VMA21: variants seen among roughly 807,000 people sequenced by gnomAD.
VMA21 encodes the protein vacuolar ATPase assembly integral membrane protein VMA21.
For synonymous variants in VMA21, 47 were observed against 34.1 expected (o/e 1.38, Z -1.32); for missense variants, 61 against 80.6 (o/e 0.76, Z 0.93).
At chrX:151,396,699 C>A (rs1256047388), upstream of VMA21, 1 of 418,143 alleles carries the variant, frequency 2.4e-6, no homozygotes, top group Non-Finnish European at 4.2e-6. Flanking sequence ...CCTACCACTG[C>A]GGGCAGTAAT....
intron 1 of VMA21, among the ~76,000 whole-genome samples, chrX:151,403,183 G>A (rs769969320): frequency 2.2e-4 from 25 of 112,175 alleles, no homozygotes; most frequent in Admixed American, 4.7e-4. Flanking sequence ...AAAAGAGGGC[G>A]CGCTGATCCA....
chrX:151,404,787 A>G, intron 2 of VMA21, 129 bp from the exon 3 acceptor site: 1 of 792,855 alleles, frequency 1.3e-6, no homozygotes, highest in Non-Finnish European at 1.8e-6. Context: ...ATTACCACCC[A>G]AAATATTACT....
chrX:151,405,211 T>C lies in VMA21; in HGVS notation c.*153T>C. 1 of 623,581 alleles carries C rather than the reference T, an allele frequency of 1.6e-6. No homozygotes were observed. Among genetic ancestry groups the C allele is most frequent in the Admixed American group, 3.5e-5 (1 of 28,575 alleles). The allele number at this position is 623,581 out of a possible 1,213,427, so 51.4% of individuals were successfully genotyped here. A position where few individuals can be genotyped will look rare whatever the true frequency, so the allele number is the denominator to read the frequency against. On this transcript the variant is annotated 3_prime_UTR_variant, in exon 3 of 3. Transcript: ENST00000330374. ...TGTAAATTTTGATCTTTCTAATATG[T>C]TGGTTTGTATATTCAGTTTTAACTG...
intron 2 of VMA21, 43 bp from the exon 3 acceptor site, chrX:151,404,872 TA>T: frequency 1.7e-6 from 2 of 1,195,561 alleles, no homozygotes; most frequent in Non-Finnish European, 2.3e-6. Flanking sequence ...TGTACTTTGG[TA>T]AATTTTGCAA....
chrX:151,408,411 T>C lies in VMA21; in HGVS notation c.*3353T>C, dbSNP rs188543019. The C allele has an allele frequency of 8.9e-6, 1 of 112,472 alleles. No homozygotes were observed. Among genetic ancestry groups the C allele is most frequent in the East Asian group, 2.8e-4 (1 of 3,579 alleles). The allele number at this position is 112,472 out of a possible 1,213,427, so 9.3% of individuals were successfully genotyped here. A position where few individuals can be genotyped will look rare whatever the true frequency, so the allele number is the denominator to read the frequency against. ...AAGGATTTAAATCCGATTTTAGATG[T>C]ACCTAGTGTGTATTTCTTATCTCTA... On this transcript the variant is annotated 3_prime_UTR_variant, in exon 3 of 3. Coordinates refer to ENST00000330374, the MANE Select transcript of VMA21 (RefSeq NM_001017980.4).
rs866900373 is a variant in VMA21, at chrX:151,407,773, T to C, written c.*2715T>C. 2 of 112,413 alleles carry C rather than the reference T, an allele frequency of 1.8e-5. No individual in the cohort carries two copies. The highest frequency in any genetic ancestry group is 6.5e-5 in the African/African-American group (2 of 30,885). The allele number at this position is 112,413 out of a possible 1,213,427, so 9.3% of individuals were successfully genotyped here. The stretch of plus-strand genomic sequence containing the variant: ...ATGGATACCATTGTACATATAACAG[T>C]AGAATTTGGTTTGGGGTTGTTAGTG... On this transcript the variant is annotated 3_prime_UTR_variant, in exon 3 of 3. Transcript: ENST00000330374.
rs112016770 is a variant in VMA21 at position 151,397,268 on chromosome X, C to T, written c.-41C>T. 4.8e-5 allele frequency: 55 copies of T among 1,148,868 alleles called. No individual in the cohort carries two copies. Among genetic ancestry groups the T allele is most frequent in the East Asian group, 9.9e-5 (3 of 30,345 alleles). 94.7% of individuals were successfully genotyped at this position (1,148,868 alleles called of 1,213,427 possible). On this transcript the variant is annotated 5_prime_UTR_variant, in exon 1 of 3. Coordinates refer to ENST00000330374, the MANE Select transcript of VMA21 (RefSeq NM_001017980.4). ...AGCTTACTGAGCGCGGCCGCCGAGC[C>T]CAGCTCCGCCGCCGAGCGCCTGTGC...
chrX:151,404,872 T>G, intron 2 of VMA21, 44 bp from the exon 3 acceptor site: 2 of 1,195,561 alleles, frequency 1.7e-6, no homozygotes, highest in Non-Finnish European at 2.3e-6. Flanking sequence ...TGTACTTTGG[T>G]AAATTTTGCA....
At chrX:151,402,861 G>C in intron 1 of VMA21, among the ~76,000 whole-genome samples, 1 of 110,366 alleles carries the variant, frequency 9.1e-6, no homozygotes, top group South Asian at 3.9e-4. Flanking sequence ...TTAGTTTGCT[G>C]GTCCACTGTC....
upstream of VMA21, chrX:151,397,156 G>C (rs2011198710): frequency 4.0e-6 from 2 of 497,328 alleles, no homozygotes; most frequent in East Asian, 1.0e-4. Context: ...CCGCCGCCCG[G>C]CGCGAACGGG....
intron 1 of VMA21, among the ~76,000 whole-genome samples, chrX:151,402,356 A>G (rs2011243512): frequency 9.0e-6 from 1 of 110,742 alleles, no homozygotes; most frequent in Admixed American, 9.5e-5. Flanking sequence ...TAATTTTTGT[A>G]TTTTTAGTAG....
In VMA21 at chrX:151,406,176, C is replaced by A. The variant is rs962342402; in HGVS notation, c.*1118C>A. 9.0e-6 allele frequency: 1 copy of A among 110,787 alleles called. No individual in the cohort carries two copies. Among genetic ancestry groups the A allele is most frequent in the African/African-American group, 3.3e-5 (1 of 30,466 alleles). 9.1% of individuals were successfully genotyped at this position (110,787 alleles called of 1,213,427 possible). The stretch of plus-strand genomic sequence containing the variant: ...CAAACAGGAAAAAAAATCAAAATTC[C>A]CCATAATGTTGCCATCTAAAAATAA... On this transcript the variant is annotated 3_prime_UTR_variant, in exon 3 of 3. Transcript: ENST00000330374.
Position 151,403,758 on chromosome X carries a change from A to G in VMA21, c.163+18A>G. 1 of 1,114,559 alleles carries G rather than the reference A, an allele frequency of 9.0e-7. No individual in the cohort carries two copies. The highest frequency in any genetic ancestry group is 1.2e-6 in the Non-Finnish European group (1 of 807,474). 91.9% of individuals were successfully genotyped at this position (1,114,559 alleles called of 1,213,427 possible). On this transcript the variant is annotated intron_variant, in intron 2 of 2. Coordinates refer to ENST00000330374, the MANE Select transcript of VMA21 (RefSeq NM_001017980.4). ...ATTTGAAGGTAATCTTAGACCCATT[A>G]AAACAAGATGTTTTCCCCCAATTTA... is the stretch of plus-strand genomic sequence containing the variant.
In VMA21 at chrX:151,403,559, G is replaced by C. The variant is rs145510245; in HGVS notation, c.54-72G>C. On this transcript the variant is annotated intron_variant, in intron 1 of 2. Transcript: ENST00000330374. ...AGCATCTCATTTGTGGATGTTTATA[G>C]TTTCAGGGACATAAGAGCGTTTGGA... The C allele has an allele frequency of 3.1e-3, 2,423 of 778,863 alleles. 32 individuals carry two copies. The African/African-American group carries it at 0.045, about 15-fold the overall frequency. 64.2% of individuals were successfully genotyped at this position (778,863 alleles called of 1,213,427 possible).
At position 151,409,169 on chromosome X, in the gene VMA21, A is replaced by ATG. The variant is rs2011326573; in HGVS notation, c.*4114_*4115dup. 8.9e-6 allele frequency: 1 copy of ATG among 112,205 alleles called. No homozygotes were observed. Among genetic ancestry groups the ATG allele is most frequent in the Non-Finnish European group, 1.9e-5 (1 of 53,222 alleles). 9.2% of individuals were successfully genotyped at this position (112,205 alleles called of 1,213,427 possible). A position where few individuals can be genotyped will look rare whatever the true frequency, so the allele number is the denominator to read the frequency against. On this transcript the variant is annotated 3_prime_UTR_variant, in exon 3 of 3. Coordinates refer to ENST00000330374, the MANE Select transcript of VMA21 (RefSeq NM_001017980.4). ...TGCCCTGACTAGGGGGAGGATTTGG[A>ATG]TGTGCTGCATTTCAAGCCGTGTATA...
intron 1 of VMA21, among the ~76,000 whole-genome samples, chrX:151,399,160 C>T (rs1013469261): frequency 2.7e-5 from 3 of 111,646 alleles, no homozygotes; most frequent in Non-Finnish European, 5.6e-5. Flanking sequence ...AGTGAGGTCA[C>T]AACACAGAAA....
At chrX:151,398,365 T>C (rs2011211375) in intron 1 of VMA21, among the ~76,000 whole-genome samples, 1 of 106,730 alleles carries the variant, frequency 9.4e-6, no homozygotes, top group Non-Finnish European at 2.0e-5. Flanking sequence ...CACCCTCAAG[T>C]AGACCGCACT....
chrX:151,401,908 A>T (rs2011239930), intron 1 of VMA21, among the ~76,000 whole-genome samples: 1 of 110,527 alleles, frequency 9.0e-6, no homozygotes, highest in South Asian at 3.9e-4. Flanking sequence ...CACCATGCCC[A>T]GCGAATTATC....
Position 151,405,111 on chromosome X carries a change from C to T in VMA21, c.*53C>T, listed in dbSNP as rs2011276387. On this transcript the variant is annotated 3_prime_UTR_variant, in exon 3 of 3. Coordinates refer to ENST00000330374, the MANE Select transcript of VMA21 (RefSeq NM_001017980.4). ...AATTCATTTTTTAAAATGATAAATG[C>T]TGGAGGGGGCCATCTGATTTGAATA... 8.6e-7 allele frequency: 1 copy of T among 1,165,406 alleles called. No homozygotes were observed. The highest frequency in any genetic ancestry group is 1.2e-6 in the Non-Finnish European group (1 of 860,081).
Sources: allele counts gnomAD v4.1 joint callset (sites outside exome capture counted in the v4.1 genomes callset), GRCh38; gene constraint gnomAD v4.1.1; transcripts MANE v1.5; gene names NCBI Gene and HGNC (gene_info 2026-07-23, HGNC 2026-07-21).